The following PCDHA5 variants were observed in gnomAD, a reference collection of about 807,000 sequenced individuals.
PCDHA5 encodes the protein protocadherin alpha-5.
PCDHA5 carries 43 observed loss-of-function variants against 61.6 expected under a neutral mutation model. The observed-to-expected ratio is 0.70, with a 90% confidence interval of 0.55 to 0.90. The LOEUF (loss-of-function observed/expected upper bound fraction) is 0.90. PCDHA5 is among the 40% of genes least tolerant of loss of function. The pLI, the probability that PCDHA5 is intolerant of heterozygous loss-of-function variation, is 0.00. For missense variants in PCDHA5, 1,298 were observed against 1,222.7 expected (o/e 1.06, Z -0.92); for synonymous variants, 627 against 543.9 (o/e 1.15, Z -2.13).
At chr5:140,845,023 G>A (rs1554140814) in intron 1 of PCDHA5, among the ~76,000 whole-genome samples, 2 of 149,032 alleles carry the variant, frequency 1.3e-5, no homozygotes, top group African/African-American at 2.5e-5. Flanking sequence ...AATCATTTAT[G>A]GGCATATTTT....
chr5:140,982,797 G>A (rs2097006142), intron 3 of PCDHA5, among the ~76,000 whole-genome samples: 1 of 151,640 alleles, frequency 6.6e-6, no homozygotes, highest in Admixed American at 6.6e-5. Context: ...ATGTGTGCAT[G>A]TGTGTGTGTG....
At position 140,967,061 on chromosome 5, in the gene PCDHA5, C is replaced by G. The variant is rs1554229125; in HGVS notation, c.2353-11888C>G. The G allele has an allele frequency of 1.9e-6, 3 of 1,612,886 alleles. No individual in the cohort carries two copies. The Admixed American group carries it at 5.0e-5, about 27-fold the overall frequency. On this transcript the variant is annotated intron_variant, in intron 1 of 3. Coordinates refer to ENST00000529859, the MANE Select transcript of PCDHA5 (RefSeq NM_018908.3). ...GGAGCTGGACCTGACGAGTGGAGCG[C>G]TCTTCGTCAACGAGCGCATTGATCG...
At chr5:140,918,074 G>T (rs546551059) in intron 1 of PCDHA5, among the ~76,000 whole-genome samples, 1 of 152,096 alleles carries the variant, frequency 6.6e-6, no homozygotes, top group South Asian at 2.1e-4. Context: ...TCTTTCAGTA[G>T]TGTTTTATAA....
chr5:140,841,002 A>G (rs1288568403), intron 1 of PCDHA5, among the ~76,000 whole-genome samples: 1 of 152,084 alleles, frequency 6.6e-6, no homozygotes, highest in African/African-American at 2.4e-5. Flanking sequence ...TAATGTAAGG[A>G]GCCAGACAGT....
At chr5:140,926,178 G>GC (rs1221259064) in intron 1 of PCDHA5, among the ~76,000 whole-genome samples, 2 of 151,700 alleles carry the variant, frequency 1.3e-5, no homozygotes, top group Non-Finnish European at 2.9e-5. Flanking sequence ...AGCGCGGAAA[G>GC]CCCCCCGCAG....
intron 1 of PCDHA5, among the ~76,000 whole-genome samples, chr5:140,826,902 T>C (rs2150145831): frequency 6.6e-6 from 1 of 152,196 alleles, no homozygotes. Flanking sequence ...AAGATAAATA[T>C]GATAGCATGT....
rs202032784 is a variant in PCDHA5, at chr5:140,927,180, C to T, written c.2353-51769C>T. On this transcript the variant is annotated intron_variant, in intron 1 of 3. Coordinates refer to ENST00000529859, the MANE Select transcript of PCDHA5 (RefSeq NM_018908.3). ...GGGCCAAAGCTGCCTGCGTCTTGAC[C>T]TACGACCTGGTGCTCGAGGACCCGC... is the stretch of plus-strand genomic sequence containing the variant. 5 of 1,614,048 alleles carry T rather than the reference C, an allele frequency of 3.1e-6. No homozygotes were observed. The South Asian group carries it at 3.3e-5, about 11-fold the overall frequency.
intron 1 of PCDHA5, chr5:140,930,208 A>C (rs939593947): frequency 6.6e-6 from 1 of 152,220 alleles, no homozygotes; most frequent in African/African-American, 2.4e-5. Flanking sequence ...AGAAATATTT[A>C]TGTGTTCAAA....
chr5:140,911,477 T>A (rs1457881834), intron 1 of PCDHA5, among the ~76,000 whole-genome samples: 2 of 152,132 alleles, frequency 1.3e-5, no homozygotes, highest in Non-Finnish European at 2.9e-5. Context: ...AGACTCTCAC[T>A]CAGGGCAATC....
chr5:140,870,201 G>C lies in PCDHA5; in HGVS notation c.2352+46074G>C, dbSNP rs370139733. 2.5e-4 allele frequency: 410 copies of C among 1,614,022 alleles called. 1 individual carries two copies. Among genetic ancestry groups the C allele is most frequent in the Non-Finnish European group, 5.8e-5 (69 of 1,180,034 alleles). ...TACGAGAGGACGCTCAGCCCAGCAC[G>C]GTCATTGCCCTGATCAGCGTGTCTG... On this transcript the variant is annotated intron_variant, in intron 1 of 3. Coordinates refer to ENST00000529859, the MANE Select transcript of PCDHA5 (RefSeq NM_018908.3).
intron 1 of PCDHA5, chr5:140,883,919 C>T (rs1554180590): frequency 1.2e-6 from 2 of 1,613,316 alleles, no homozygotes; most frequent in Non-Finnish European, 8.5e-7. Flanking sequence ...CAACGTGACG[C>T]TGCAGGTGTT....
rs934191848 is a variant in PCDHA5 at position 140,866,248 on chromosome 5, C to A, written c.2352+42121C>A. 5.9e-5 allele frequency: 9 copies of A among 152,184 alleles called. 1 individual carries two copies. Among genetic ancestry groups the A allele is most frequent in the Admixed American group, 3.9e-4 (6 of 15,284 alleles). 9.4% of individuals were successfully genotyped at this position (152,184 alleles called of 1,614,324 possible). A position where few individuals can be genotyped will look rare whatever the true frequency, so the allele number is the denominator to read the frequency against. ...TAAATACTATATACCAAAAATGACACCCTTCTTTCTTTACTGTGAATAAAG... is the reference window on the plus strand; with the variant it reads ...TAAATACTATATACCAAAAATGACAACCTTCTTTCTTTACTGTGAATAAAG... On this transcript the variant is annotated intron_variant, in intron 1 of 3. Coordinates refer to ENST00000529859, the MANE Select transcript of PCDHA5 (RefSeq NM_018908.3).
intron 1 of PCDHA5, chr5:140,856,072 G>A: frequency 6.3e-7 from 1 of 1,592,122 alleles, no homozygotes; most frequent in Non-Finnish European, 8.6e-7. Flanking sequence ...GTAGCTGCCT[G>A]GGGGTCCAGT....
At chr5:140,978,795 G>T in intron 1 of PCDHA5, 154 bp from the exon 2 acceptor site, 1 of 979,238 alleles carries the variant, frequency 1.0e-6, no homozygotes, top group Non-Finnish European at 1.2e-6. Flanking sequence ...TGCTATATAT[G>T]TAGATATCAT....
intron 1 of PCDHA5, among the ~76,000 whole-genome samples, chr5:140,906,752 G>A (rs1328101001): frequency 6.6e-6 from 1 of 152,152 alleles, no homozygotes; most frequent in Non-Finnish European, 1.5e-5. Context: ...ACAGGGCATG[G>A]TAATACTAAG....
intron 1 of PCDHA5, chr5:140,883,057 G>A (rs781846985): frequency 1.2e-6 from 2 of 1,614,006 alleles, no homozygotes; most frequent in South Asian, 1.1e-5. Flanking sequence ...TAGTGATCAA[G>A]CTAAATGCCA....
chr5:140,848,317 A>T, intron 1 of PCDHA5: 1 of 749,894 alleles, frequency 1.3e-6, no homozygotes. Context: ...CTTTGCCGCG[A>T]TGTTCTCTCT....
intron 1 of PCDHA5, among the ~76,000 whole-genome samples, chr5:140,890,386 A>G (rs905205351): frequency 6.6e-6 from 1 of 152,202 alleles, no homozygotes; most frequent in Admixed American, 6.5e-5. Flanking sequence ...TCTTTCTTAG[A>G]TAATCTATAA....
At position 140,823,159 on chromosome 5, in the gene PCDHA5, T is replaced by C; in HGVS notation, c.1384T>C (p.Phe462Leu). ...GTTCGCGCAGCCCCAGTATACCGTGTTCGTGAAGGAGAACAACCCGCCAGG... is the reference window on the plus strand; with the variant it reads ...GTTCGCGCAGCCCCAGTATACCGTGCTCGTGAAGGAGAACAACCCGCCAGG... ...PAFAQPQYTV[F>L]VKENNPPGCH... Residue 462 changes from phenylalanine (F) to leucine (L), a missense_variant, in exon 1 of 4, where the codon TTC becomes CTC. Coordinates refer to ENST00000529859, the MANE Select transcript of PCDHA5 (RefSeq NM_018908.3). 1.2e-6 allele frequency: 2 copies of C among 1,613,740 alleles called. No individual in the cohort carries two copies. The highest frequency in any genetic ancestry group is 1.7e-6 in the Non-Finnish European group (2 of 1,179,866).
Sources: gnomAD v4.1 joint callset for allele counts (sites outside exome capture counted in the v4.1 genomes callset) on GRCh38, gnomAD v4.1.1 for gene constraint, MANE v1.5 for transcripts, NCBI Gene and HGNC (gene_info 2026-07-23, HGNC 2026-07-21) for gene names.